ECE1: variants seen among roughly 807,000 people sequenced by gnomAD.
ECE1 encodes endothelin-converting enzyme 1.
ECE1 carries 35 observed loss-of-function variants against 98.6 expected under a neutral mutation model. The ratio of observed to expected loss-of-function variants is 0.35; its 90% CI spans 0.27 to 0.47. ECE1 has a LOEUF of 0.47. Ranked by LOEUF, ECE1 falls within the 20% of genes least tolerant of loss-of-function variation. ECE1 has a pLI of 1.00. For missense variants in ECE1, 814 were observed against 1,025.3 expected (o/e 0.79, Z 2.81); for synonymous variants, 394 against 407.1 (o/e 0.97, Z 0.39).
chr1:21,225,531 T>A lies in ECE1; in HGVS notation c.1850-91A>T. 4 of 1,464,442 alleles carry A rather than the reference T, an allele frequency of 2.7e-6. No individual in the cohort carries two copies. In the South Asian group the frequency reaches 3.6e-5, roughly 13 times the overall value. The allele number at this position is 1,464,442 out of a possible 1,614,324, so 90.7% of individuals were successfully genotyped here. A position where few individuals can be genotyped will look rare whatever the true frequency, so the allele number is the denominator to read the frequency against. On this transcript the variant is annotated intron_variant, in intron 16 of 18. Coordinates refer to ENST00000374893, the MANE Select transcript of ECE1 (RefSeq NM_001397.3). This position sits in a 1 kb window ranked among gnomAD's most constrained non-coding sequence, Gnocchi z 5.3. ...CCTGCTCCTGGTGAGAAGCGGTTCA[T>A]CCGTCCACCCCCGTCCTCCAGCCAC...
At chr1:21,236,657 A>C in intron 12 of ECE1, 89 bp downstream of exon 12, 2 of 1,315,634 alleles carry the variant, frequency 1.5e-6, no homozygotes, top group Non-Finnish European at 2.2e-6. Context: ...CTCAAAAAAC[A>C]AACAAAAAAA....
At chr1:21,255,809 A>C (rs2098219109) in intron 8 of ECE1, 138 bp downstream of exon 8, 2 of 945,860 alleles carry the variant, frequency 2.1e-6, no homozygotes. Flanking sequence ...CCATCTGTGG[A>C]CTGGGCATAA....
chr1:21,308,317 C>T (rs990550923), intron 1 of ECE1, among the ~76,000 whole-genome samples: 2 of 152,152 alleles, frequency 1.3e-5, no homozygotes, highest in Admixed American at 6.5e-5. Context: ...GAGGGACAAC[C>T]GGAAGTCTTA....
At chr1:21,242,896 T>G (rs1443568718) in intron 10 of ECE1, among the ~76,000 whole-genome samples, 3 of 152,260 alleles carry the variant, frequency 2.0e-5, no homozygotes, top group Admixed American at 2.0e-4. Context: ...TCCTCCTGCC[T>G]CAGCCTCCAG....
Position 21,220,007 on chromosome 1 carries a change from C to A in ECE1, c.2261G>T (p.Arg754Leu). 6.2e-7 allele frequency: 1 copy of A among 1,614,170 alleles called. No homozygotes were observed. The highest frequency in any genetic ancestry group is 2.2e-5 in the East Asian group (1 of 44,882). Residue 754 changes from arginine (R) to leucine (L), a missense_variant, in exon 19 of 19, where the codon CGC becomes CTC. Arg to Leu is a moderately radical substitution (Grantham distance 102). Around this residue, in one of 3 missense-constraint regions of ECE1, gnomAD observed 452 missense variants for 567.3 expected, o/e 0.80. Transcript: ENST00000374893. The surrounding 1 kb of genome is among the most constrained non-coding windows in gnomAD (Gnocchi z 5.0). ...SNSKEFSEHF[R>L]CPPGSPMNPP... is the part of the protein sequence containing the mutation. ...GTTCATGGGTGAGCCAGGTGGGCAG[C>A]GGAAGTGTTCTGAGAACTCCTTGGA...
chr1:21,338,249 G>A (rs965359430), intron 1 of ECE1, among the ~76,000 whole-genome samples: 1 of 152,236 alleles, frequency 6.6e-6, no homozygotes. Flanking sequence ...AGGAGGACAT[G>A]AGGTTAGAGT....
At chr1:21,237,506 G>A (rs1231258958) in intron 11 of ECE1, among the ~76,000 whole-genome samples, 1 of 152,220 alleles carries the variant, frequency 6.6e-6, no homozygotes, top group Non-Finnish European at 1.5e-5. Flanking sequence ...TCCGGCTGCA[G>A]ATGACAGCTA....
intron 10 of ECE1, among the ~76,000 whole-genome samples, chr1:21,240,916 G>A (rs138067168): frequency 9.2e-5 from 14 of 152,334 alleles, no homozygotes; most frequent in Non-Finnish European, 1.0e-4. Flanking sequence ...ATTCATTTAC[G>A]CATCCAGCGT....
At chr1:21,222,169 TGCATGCACACACACACAC>T (rs773762523) in intron 17 of ECE1, 3 of 393,122 alleles carry the variant, frequency 7.6e-6, no homozygotes, top group Non-Finnish European at 1.5e-5. Context: ...ATCGTGTGTG[TGCATGCACACACACACAC>T]ATACACACAA....
intron 1 of ECE1, among the ~76,000 whole-genome samples, chr1:21,320,489 A>T (rs1308525949): frequency 6.6e-6 from 1 of 152,224 alleles, no homozygotes; most frequent in Non-Finnish European, 1.5e-5. Flanking sequence ...TCCTGAGAAT[A>T]CAACCTAAAA....
intron 1 of ECE1, among the ~76,000 whole-genome samples, chr1:21,326,041 C>T (rs1639071691): frequency 6.6e-6 from 1 of 152,184 alleles, no homozygotes; most frequent in African/African-American, 2.4e-5. Flanking sequence ...CCTAAAATGG[C>T]CTCACCTGGA....
At chr1:21,320,119 G>A (rs1638930032) in intron 1 of ECE1, among the ~76,000 whole-genome samples, 1 of 152,186 alleles carries the variant, frequency 6.6e-6, no homozygotes, top group African/African-American at 2.4e-5. Context: ...GGTCACATGC[G>A]GCCCACGGGC....
At chr1:21,299,415 A>G (rs1638436913) in intron 1 of ECE1, 1 of 153,242 alleles carries the variant, frequency 6.5e-6, no homozygotes, top group Non-Finnish European at 1.5e-5. Context: ...CACTTGTCCA[A>G]GATCAGACAG....
At chr1:21,251,965 T>C (rs1430261236) in intron 8 of ECE1, among the ~76,000 whole-genome samples, 2 of 152,198 alleles carry the variant, frequency 1.3e-5, no homozygotes, top group African/African-American at 4.8e-5. Flanking sequence ...CTACAAAAAC[T>C]GGAGCTGTGC....
intron 4 of ECE1, among the ~76,000 whole-genome samples, chr1:21,270,536 C>G (rs2098239070): frequency 6.6e-6 from 1 of 152,224 alleles, no homozygotes; most frequent in African/African-American, 2.4e-5. Context: ...ATCTCGCTTT[C>G]CTCATCTACC....
intron 10 of ECE1, among the ~76,000 whole-genome samples, chr1:21,241,790 G>A (rs1048795947): frequency 2.0e-5 from 3 of 152,142 alleles, no homozygotes; most frequent in African/African-American, 7.2e-5. Context: ...CACGCTCTCT[G>A]CCTACAGGTC....
At chr1:21,333,821 G>A (rs1457479635) in intron 1 of ECE1, among the ~76,000 whole-genome samples, 3 of 151,608 alleles carry the variant, frequency 2.0e-5, no homozygotes, top group Non-Finnish European at 4.4e-5. Context: ...GCAACAGAGC[G>A]AGACTCCGTC....
At chr1:21,332,087 C>T (rs1009577414) in intron 1 of ECE1, among the ~76,000 whole-genome samples, 4 of 152,184 alleles carry the variant, frequency 2.6e-5, no homozygotes, top group Non-Finnish European at 4.4e-5. Flanking sequence ...CTGCACCCTC[C>T]CCCACCCCAT....
intron 8 of ECE1, among the ~76,000 whole-genome samples, chr1:21,255,045 A>G (rs571868710): frequency 9.2e-5 from 14 of 152,354 alleles, no homozygotes; most frequent in Non-Finnish European, 8.8e-5. Flanking sequence ...CCCACTAGCC[A>G]GGAAGCACAT....
Sources: gnomAD v4.1 joint callset for allele counts (sites outside exome capture counted in the v4.1 genomes callset) on GRCh38, gnomAD v4.1.1 for gene constraint, gnomAD v4.1.1 regional missense constraint, Gnocchi (gnomAD v3.1) non-coding constraint, MANE v1.5 for transcripts, NCBI Gene and HGNC (gene_info 2026-07-23, HGNC 2026-07-21) for gene names.